The following INO80D variants were observed in gnomAD, a reference collection of about 807,000 sequenced individuals.
The protein encoded by INO80D is INO80 complex subunit D.
In INO80D, 21 loss-of-function variants were observed where a neutral mutation model predicts 87.6. The ratio of observed to expected loss-of-function variants is 0.24; its 90% CI spans 0.17 to 0.35. The LOEUF (loss-of-function observed/expected upper bound fraction) is 0.35. Ranked by LOEUF, INO80D falls within the 10% of genes least tolerant of loss-of-function variation. The pLI, the probability that INO80D is intolerant of heterozygous loss-of-function variation, is 1.00. For synonymous variants in INO80D, 440 were observed against 491.0 expected, an observed-to-expected ratio of 0.90 and a Z score of 1.37; for missense variants, 982 against 1,280.7, an observed-to-expected ratio of 0.77 and a Z score of 3.56.
chr2:206,013,287 C>T (rs1045307646), intron 8 of INO80D, among the ~76,000 whole-genome samples: 5 of 152,180 alleles, frequency 3.3e-5, no homozygotes, highest in Non-Finnish European at 4.4e-5. Context: ...GGCGCGGTGG[C>T]TTACGCCTGT....
At chr2:206,074,015 T>C (rs541656572) in intron 1 of INO80D, among the ~76,000 whole-genome samples, 1 of 152,210 alleles carries the variant, frequency 6.6e-6, no homozygotes, top group South Asian at 2.1e-4. Flanking sequence ...AGCCAAACTC[T>C]ACTTTTTAAT....
intron 3 of INO80D, among the ~76,000 whole-genome samples, chr2:206,058,418 C>CAAAA (rs59790218): frequency 6.4e-5 from 8 of 125,324 alleles, no homozygotes; most frequent in African/African-American, 2.4e-4. Flanking sequence ...GACTCTGTCT[C>CAAAA]AAAAAAAAAA....
chr2:206,074,214 T>C (rs561814649), intron 1 of INO80D, among the ~76,000 whole-genome samples: 1 of 152,256 alleles, frequency 6.6e-6, no homozygotes, highest in Non-Finnish European at 1.5e-5. Flanking sequence ...TACACTGTTA[T>C]TACCAAAAAA....
At chr2:206,070,852 A>G (rs1424506757) in intron 1 of INO80D, among the ~76,000 whole-genome samples, 3 of 150,970 alleles carry the variant, frequency 2.0e-5, no homozygotes, top group Non-Finnish European at 2.9e-5. Flanking sequence ...ATGCTGAAAA[A>G]GCCTGAAGCC....
intron 5 of INO80D, among the ~76,000 whole-genome samples, chr2:206,039,215 T>A (rs559865753): frequency 7.9e-5 from 12 of 151,954 alleles, no homozygotes; most frequent in Admixed American, 1.3e-4. Context: ...CTGACCAACA[T>A]GGAAAAACCC....
At chr2:206,042,822 A>G (rs1246917397) in intron 5 of INO80D, among the ~76,000 whole-genome samples, 1 of 152,070 alleles carries the variant, frequency 6.6e-6, no homozygotes, top group Non-Finnish European at 1.5e-5. Context: ...CTATCTCTAC[A>G]AAAATTTAAA....
intron 8 of INO80D, among the ~76,000 whole-genome samples, chr2:206,017,060 T>A (rs915637530): frequency 6.6e-6 from 1 of 152,192 alleles, no homozygotes; most frequent in Non-Finnish European, 1.5e-5. Context: ...CCTAGTTATA[T>A]ACCAAGCTGG....
intron 1 of INO80D, 125 bp from the exon 2 acceptor site, chr2:206,063,369 C>A: frequency 2.5e-6 from 1 of 395,868 alleles, no homozygotes; most frequent in Non-Finnish European, 4.4e-6. Flanking sequence ...ATCAACATCC[C>A]AATAACGAGG....
chr2:206,009,164 G>T (rs1034218030), intron 9 of INO80D, among the ~76,000 whole-genome samples: 1 of 152,160 alleles, frequency 6.6e-6, no homozygotes, highest in East Asian at 1.9e-4. Context: ...ACAAAAATCA[G>T]CTGGGCGTGA....
intron 10 of INO80D, 132 bp from the exon 11 acceptor site, chr2:206,005,665 T>C: frequency 1.3e-6 from 1 of 750,136 alleles, no homozygotes; most frequent in Non-Finnish European, 2.1e-6. Flanking sequence ...TTTCCAAGAT[T>C]TTGATTGGAG....
Position 206,003,790 on chromosome 2 carries a change from G to A in INO80D, c.*578C>T, listed in dbSNP as rs369020434. The stretch of plus-strand genomic sequence containing the variant: ...CTGCACTGCACAAAAACACACGCGT[G>A]GGCACACGCATACTCACAGGCAGTC... On this transcript the variant is annotated 3_prime_UTR_variant, in exon 11 of 11. Transcript: ENST00000403263. 1 of 158,968 alleles carries A rather than the reference G, an allele frequency of 6.3e-6. No individual in the cohort carries two copies. Among genetic ancestry groups the A allele is most frequent in the African/African-American group, 2.4e-5 (1 of 41,476 alleles). 9.8% of individuals were successfully genotyped at this position (158,968 alleles called of 1,614,324 possible). A position where few individuals can be genotyped will look rare whatever the true frequency, so the allele number is the denominator to read the frequency against.
chr2:206,043,686 A>G (rs1689115822), intron 5 of INO80D, among the ~76,000 whole-genome samples: 1 of 151,380 alleles, frequency 6.6e-6, no homozygotes, highest in African/African-American at 2.4e-5. Context: ...ACGGGGTTTC[A>G]CCGCGTTAGC....
At chr2:206,055,570 C>A (rs1689494010) in intron 4 of INO80D, among the ~76,000 whole-genome samples, 2 of 152,182 alleles carry the variant, frequency 1.3e-5, no homozygotes, top group African/African-American at 4.8e-5. Context: ...CTCATAAAAG[C>A]ATACAACCAA....
intron 3 of INO80D, among the ~76,000 whole-genome samples, chr2:206,060,630 C>G (rs60252053): frequency 6.6e-6 from 1 of 151,562 alleles, no homozygotes; most frequent in Non-Finnish European, 1.5e-5. Flanking sequence ...GCGCGATCTC[C>G]GCTCACTGCA....
chr2:206,043,460 G>A (rs1207056612), intron 5 of INO80D, among the ~76,000 whole-genome samples: 9 of 149,900 alleles, frequency 6.0e-5, no homozygotes, highest in Admixed American at 6.7e-5. Flanking sequence ...GTGAACTACC[G>A]TGCTCAGCCA....
intron 6 of INO80D, 107 bp downstream of exon 6, chr2:206,028,004 G>A (rs1354411839): frequency 8.3e-6 from 6 of 721,386 alleles, no homozygotes; most frequent in African/African-American, 1.8e-5. Flanking sequence ...ATGCTTAAAC[G>A]TTTAGGACTT....
rs148687753 is a variant in INO80D, at chr2:206,005,584, A to G, written c.1919-51T>C. The G allele has an allele frequency of 7.6e-4, 952 of 1,253,748 alleles. 5 individuals carry two copies. In the African/African-American group the frequency reaches 0.013, roughly 16 times the overall value. The allele number at this position is 1,253,748 out of a possible 1,614,324, so 77.7% of individuals were successfully genotyped here. ...TCAGTAGAGCTTTTACCAGTTCTAC[A>G]TCACAAAAATCACACATTTGAATTA... On this transcript the variant is annotated intron_variant, in intron 10 of 10. Coordinates refer to ENST00000403263, the MANE Select transcript of INO80D (RefSeq NM_017759.5).
chr2:206,060,729 T>G (rs1365141269), intron 3 of INO80D, among the ~76,000 whole-genome samples: 1 of 151,802 alleles, frequency 6.6e-6, no homozygotes, highest in Non-Finnish European at 1.5e-5. Context: ...CCCGGCTAAT[T>G]TTGTATTTTT....
In INO80D at chr2:206,062,769, C is replaced by G; in HGVS notation, c.218+30G>C. On this transcript the variant is annotated intron_variant, in intron 3 of 10. Transcript: ENST00000403263. This position sits in a 1 kb window ranked among gnomAD's most constrained non-coding sequence, Gnocchi z 4.6. ...AAAATTCCAAGCCTGTTAATGAAAT[C>G]AAGGATTGATTCTCATGATTAGCCC... The G allele has an allele frequency of 6.4e-7, 1 of 1,552,338 alleles. No individual in the cohort carries two copies. The highest frequency in any genetic ancestry group is 8.7e-7 in the Non-Finnish European group (1 of 1,147,284).
Sources: gnomAD v4.1 joint callset for allele counts (sites outside exome capture counted in the v4.1 genomes callset) on GRCh38, gnomAD v4.1.1 for gene constraint, Gnocchi (gnomAD v3.1) non-coding constraint, MANE v1.5 for transcripts, NCBI Gene and HGNC (gene_info 2026-07-23, HGNC 2026-07-21) for gene names.